Variants in ACOX2 observed in about 807,000 individuals in gnomAD.
ACOX2 encodes the protein acyl-CoA oxidase 2.
ACOX2 carries 59 observed loss-of-function variants against 77.5 expected under a neutral mutation model. That is an observed-to-expected ratio of 0.76 (90% CI 0.62 to 0.95). The LOEUF (loss-of-function observed/expected upper bound fraction) is 0.95. Ranked by LOEUF, ACOX2 falls within the 40% of genes least tolerant of loss-of-function variation. The pLI, the probability that ACOX2 is intolerant of heterozygous loss-of-function variation, is 0.00. For missense variants in ACOX2, 837 were observed against 880.4 expected, an observed-to-expected ratio of 0.95 and a Z score of 0.62; for synonymous variants, 317 against 340.1, an observed-to-expected ratio of 0.93 and a Z score of 0.75.
In ACOX2 at chr3:58,524,508, G is replaced by C; in HGVS notation, c.1444C>G (p.Leu482Val). Reference sequence around the variant, plus strand: ...GCCCTCTGGGCTGGACACCTGGCCAGGTCAGGTGCGGTGAGATATGCGACA... The same window carrying C: ...GCCCTCTGGGCTGGACACCTGGCCACGTCAGGTGCGGTGAGATATGCGACA... The part of the protein sequence containing the change: ...PSVAYLTAPD[L>V]ARCPAQRAAD... The change falls in exon 11 of 15, where the codon CTG (leucine) becomes GTG (valine). Residue 482 changes from leucine to valine, a missense_variant. Physicochemically the swap from Leu to Val is conservative, Grantham distance 32 (BLOSUM62 1). Coordinates refer to ENST00000302819, the MANE Select transcript of ACOX2 (RefSeq NM_003500.4). The surrounding 1 kb of genome is among the most constrained non-coding windows in gnomAD (Gnocchi z 5.5). 1 of 1,614,224 alleles carries C rather than the reference G, an allele frequency of 6.2e-7. No homozygotes were observed. Among genetic ancestry groups the C allele is most frequent in the Non-Finnish European group, 8.5e-7 (1 of 1,180,040 alleles).
intron 14 of ACOX2, among the ~76,000 whole-genome samples, chr3:58,507,537 T>C (rs184840912): frequency 6.2e-4 from 95 of 152,362 alleles, no homozygotes; most frequent in Non-Finnish European, 1.1e-3. Context: ...GTTTGGGCTA[T>C]ATATGTCAGC....
At chr3:58,516,722 C>G (rs1350607230) in intron 13 of ACOX2, among the ~76,000 whole-genome samples, 2 of 152,042 alleles carry the variant, frequency 1.3e-5, no homozygotes, top group Non-Finnish European at 2.9e-5. Flanking sequence ...CCTGTAATCC[C>G]AGCTACTTGG....
chr3:58,505,191 G>C lies in ACOX2; in HGVS notation c.*33C>G, dbSNP rs370102643. 5.8e-5 allele frequency: 91 copies of C among 1,575,108 alleles called. No homozygotes were observed. In the African/African-American group the frequency reaches 1.1e-3, roughly 20 times the overall value. ...GCCATAGTACCATTATCACATGATG[G>C]TGCTGGTTGCTTCTTGAATACTGTT... On this transcript the variant is annotated 3_prime_UTR_variant, in exon 15 of 15. Transcript: ENST00000302819. This position sits in a 1 kb window ranked among gnomAD's most constrained non-coding sequence, Gnocchi z 4.4.
rs570307111 is a variant in ACOX2, at chr3:58,512,648, T to C, written c.1851-3623A>G. ...CCATTCCTGCCCCTGTGGCCTCTTC[T>C]GTGTTCTCTGGATGGATATGCCAAG... On this transcript the variant is annotated intron_variant, in intron 13 of 14. Transcript: ENST00000302819. This position sits in a 1 kb window ranked among gnomAD's most constrained non-coding sequence, Gnocchi z 4.8. 5.3e-5 allele frequency among the ~76,000 whole-genome samples: 8 copies of C among 152,350 alleles called. No individual in the cohort carries two copies. The South Asian group carries it at 1.7e-3, about 32-fold the overall frequency.
chr3:58,531,134 G>T lies in ACOX2; in HGVS notation c.819+117C>A. The T allele has an allele frequency of 1.2e-6, 1 of 832,476 alleles. No individual in the cohort carries two copies. Among genetic ancestry groups the T allele is most frequent in the Non-Finnish European group, 1.9e-6 (1 of 529,850 alleles). 51.6% of individuals were successfully genotyped at this position (832,476 alleles called of 1,614,324 possible). Reference sequence around the variant, plus strand: ...TCTGTGGGATATCAGAGCCTCTCTTGGGGGAGGAGGTTATGTGGCCCAAAC... The same window carrying T: ...TCTGTGGGATATCAGAGCCTCTCTTTGGGGAGGAGGTTATGTGGCCCAAAC... On this transcript the variant is annotated intron_variant, in intron 7 of 14. Transcript: ENST00000302819. The surrounding 1 kb of genome is among the most constrained non-coding windows in gnomAD (Gnocchi z 5.8).
chr3:58,509,446 G>A (rs1237278955), intron 13 of ACOX2, among the ~76,000 whole-genome samples: 1 of 151,572 alleles, frequency 6.6e-6, no homozygotes, highest in Non-Finnish European at 1.5e-5. Flanking sequence ...AGAATCACTT[G>A]AACCTAGGAG....
chr3:58,523,215 T>C lies in ACOX2; in HGVS notation c.1527-614A>G, dbSNP rs1024374548. Among the ~76,000 whole-genome samples the C allele has an allele frequency of 6.6e-6, 1 of 152,256 alleles. No homozygotes were observed. The highest frequency in any genetic ancestry group is 2.4e-5 in the African/African-American group (1 of 41,466). ...GAATTTGTGTGTAAAGCAAACTGTTTATTAAGCAATATGTTTTTTGCTTTG... is the reference window on the plus strand; with the variant it reads ...GAATTTGTGTGTAAAGCAAACTGTTCATTAAGCAATATGTTTTTTGCTTTG... On this transcript the variant is annotated intron_variant, in intron 11 of 14. Coordinates refer to ENST00000302819, the MANE Select transcript of ACOX2 (RefSeq NM_003500.4). This position sits in a 1 kb window ranked among gnomAD's most constrained non-coding sequence, Gnocchi z 5.3.
In ACOX2 at chr3:58,535,168, C is replaced by G. The variant is rs998143078; in HGVS notation, c.-62G>C. 9.4e-6 allele frequency: 15 copies of G among 1,602,798 alleles called. No homozygotes were observed. The East Asian group carries it at 1.6e-4, about 17-fold the overall frequency. On this transcript the variant is annotated 5_prime_UTR_variant, in exon 2 of 15. Coordinates refer to ENST00000302819, the MANE Select transcript of ACOX2 (RefSeq NM_003500.4). This position sits in a 1 kb window ranked among gnomAD's most constrained non-coding sequence, Gnocchi z 4.8. ...CTTCCAACCCGGCTGCTCCGAGGGT[C>G]TGCTCTCAGCATTGGTCAGTGCAAA...
chr3:58,529,386 T>C (rs2063420438), intron 8 of ACOX2, among the ~76,000 whole-genome samples: 2 of 152,156 alleles, frequency 1.3e-5, no homozygotes, highest in Admixed American at 6.5e-5. Context: ...CAATAACTCT[T>C]AGGATGTAAA....
rs770168562 is a variant in ACOX2 at position 58,530,561 on chromosome 3, C to T, written c.897G>A (p.Glu299=). 4 of 1,614,248 alleles carry T rather than the reference C, an allele frequency of 2.5e-6. No homozygotes were observed. Among genetic ancestry groups the T allele is most frequent in the Non-Finnish European group, 3.4e-6 (4 of 1,180,046 alleles). ...TAGGGAGGATCTCCCCTGACAGCAG[C>T]TCCACCCGCACCACCACCATGGGAA... ...NYLPMVVVRV[E]LLSGEILPIL... is the part of the protein sequence containing the mutation. The change falls in exon 8 of 15, where the codon GAG becomes GAA. Residue 299 remains glutamate (E), a synonymous_variant. Transcript: ENST00000302819.
chr3:58,507,382 T>C (rs561516582), intron 14 of ACOX2, among the ~76,000 whole-genome samples: 1 of 152,328 alleles, frequency 6.6e-6, no homozygotes, highest in Non-Finnish European at 1.5e-5. Context: ...GGTCAGTCAT[T>C]CCTCTCGTTT....
Position 58,531,932 on chromosome 3 carries a change from T to A in ACOX2, c.584-120A>T. The A allele has an allele frequency of 2.2e-6, 3 of 1,385,450 alleles. No individual in the cohort carries two copies. The highest frequency in any genetic ancestry group is 2.8e-6 in the Non-Finnish European group (3 of 1,057,758). 85.8% of individuals were successfully genotyped at this position (1,385,450 alleles called of 1,614,324 possible). The stretch of plus-strand genomic sequence containing the variant: ...TACCTCTGGGGCCCTGAAAAGTCAC[T>A]GATCAAAGAGAGAGGGGATTGCCCC... On this transcript the variant is annotated intron_variant, in intron 5 of 14. Transcript: ENST00000302819. The surrounding 1 kb of genome is among the most constrained non-coding windows in gnomAD (Gnocchi z 5.8).
chr3:58,535,862 G>A lies in ACOX2; in HGVS notation c.-91-665C>T, dbSNP rs1047115366. Among the ~76,000 whole-genome samples, 1 of 152,190 alleles carries A rather than the reference G, an allele frequency of 6.6e-6. No homozygotes were observed. Among genetic ancestry groups the A allele is most frequent in the African/African-American group, 2.4e-5 (1 of 41,444 alleles). ...TATTCCTCCACAGTGAGGCAACCAT[G>A]AGGTGCAGTCCATCCTATTTCACAA... On this transcript the variant is annotated intron_variant, in intron 1 of 14. Coordinates refer to ENST00000302819, the MANE Select transcript of ACOX2 (RefSeq NM_003500.4). This position sits in a 1 kb window ranked among gnomAD's most constrained non-coding sequence, Gnocchi z 4.8.
Position 58,517,424 on chromosome 3 carries a change from C to T in ACOX2, c.1633-1G>A, listed in dbSNP as rs779896608. On this transcript the variant is annotated splice_acceptor_variant, in intron 12 of 14. Coordinates refer to ENST00000302819, the MANE Select transcript of ACOX2 (RefSeq NM_003500.4). LOFTEE classifies it high-confidence loss of function. ...TCACAGTGACATAGTAGCAGTGCAC[C>T]TACAAAGACACAAAGATATGTTCTC... The T allele has an allele frequency of 1.9e-6, 3 of 1,613,220 alleles. No individual in the cohort carries two copies. Among genetic ancestry groups the T allele is most frequent in the African/African-American group, 1.3e-5 (1 of 74,880 alleles).
At position 58,528,767 on chromosome 3, in the gene ACOX2, G is replaced by A. The variant is rs1219018439; in HGVS notation, c.1155+27C>T. On this transcript the variant is annotated intron_variant, in intron 9 of 14. Transcript: ENST00000302819. This position sits in a 1 kb window ranked among gnomAD's most constrained non-coding sequence, Gnocchi z 5.6. ...ATCTTAGCTCCCAGCGCCTGCCAGC[G>A]CCTGCCCCTCCGCAGACAGCAGGTA... is the stretch of plus-strand genomic sequence containing the variant. 10 of 1,581,968 alleles carry A rather than the reference G, an allele frequency of 6.3e-6. No individual in the cohort carries two copies. Among genetic ancestry groups the A allele is most frequent in the Admixed American group, 1.8e-5 (1 of 56,188 alleles).
chr3:58,536,844 C>T (rs2063485441), intron 1 of ACOX2, among the ~76,000 whole-genome samples: 1 of 152,208 alleles, frequency 6.6e-6, no homozygotes, highest in Admixed American at 6.5e-5. Context: ...TCTCTTTTCA[C>T]TTATCCCCTT....
Position 58,530,488 on chromosome 3 carries a change from G to T in ACOX2, c.970C>A (p.Arg324Ser). The change falls in exon 8 of 15, where the codon CGC becomes AGC. Residue 324 changes from arginine to serine, a missense_variant. Arg to Ser is a moderately radical substitution (Grantham distance 110). Transcript: ENST00000302819. ...VIAMRYSVIR[R>S]QSRLRPSDPE... ...TGCCTGGGCCGGAGCCGGGATTGGC[G>T]GCGGATGACCGAGTAGCGCATGGCG... The T allele has an allele frequency of 6.2e-7, 1 of 1,614,146 alleles. No homozygotes were observed.
chr3:58,534,030 T>A lies in ACOX2; in HGVS notation c.439A>T (p.Ile147Phe), dbSNP rs747665703. The change falls in exon 4 of 15, where the codon ATC becomes TTC. Residue 147 changes from isoleucine (I) to phenylalanine (F), a missense_variant. Ile to Phe is a conservative substitution (Grantham distance 21, BLOSUM62 0). Coordinates refer to ENST00000302819, the MANE Select transcript of ACOX2 (RefSeq NM_003500.4). This position sits in a 1 kb window ranked among gnomAD's most constrained non-coding sequence, Gnocchi z 4.8. ...TCTGTCTGTGCATACGTTGCGATGA[T>A]CTGGATGTTTTTGCAGAGTGGGTCC... ...KWDPLCKNIQ[I>F]IATYAQTELG... is the part of the protein sequence containing the mutation. 9 of 1,614,014 alleles carry A rather than the reference T, an allele frequency of 5.6e-6. No individual in the cohort carries two copies. The Admixed American group carries it at 8.3e-5, about 15-fold the overall frequency.
rs2063430844 is a variant in ACOX2 at position 58,530,576 on chromosome 3, C to G, written c.882G>C (p.Val294=). ...GTAQSNYLPM[V]VVRVELLSGE... ...CTGACAGCAGCTCCACCCGCACCAC[C>G]ACCATGGGAAGGTAGTTGCTCTGTG... The change falls in exon 8 of 15, where the codon GTG becomes GTC. Residue 294 remains valine (V), a synonymous_variant. Transcript: ENST00000302819. The G allele has an allele frequency of 4.3e-6, 7 of 1,614,124 alleles. No individual in the cohort carries two copies. The highest frequency in any genetic ancestry group is 5.9e-6 in the Non-Finnish European group (7 of 1,180,054).
Sources: gnomAD v4.1 joint callset for allele counts (sites outside exome capture counted in the v4.1 genomes callset) on GRCh38, gnomAD v4.1.1 for gene constraint, Gnocchi (gnomAD v3.1) non-coding constraint, MANE v1.5 for transcripts, NCBI Gene and HGNC (gene_info 2026-07-23, HGNC 2026-07-21) for gene names.